The following LPIN2 variants were observed in gnomAD, a reference collection of about 807,000 sequenced individuals.
The protein encoded by LPIN2 is lipin 2, also known as phosphatidate phosphatase LPIN2.
In LPIN2, 55 loss-of-function variants were observed where a neutral mutation model predicts 111.4. The observed-to-expected ratio is 0.49, with a 90% confidence interval of 0.40 to 0.62. LPIN2 has a LOEUF of 0.62. Ranked by LOEUF, LPIN2 falls within the 20% of genes least tolerant of loss-of-function variation. The pLI is 0.00. For missense variants in LPIN2, 992 were observed against 1,112.1 expected, an observed-to-expected ratio of 0.89 and a Z score of 1.54; for synonymous variants, 425 against 414.0, an observed-to-expected ratio of 1.03 and a Z score of -0.32.
Position 2,920,749 on chromosome 18 carries a change from G to A in LPIN2, c.2546+29C>T, listed in dbSNP as rs763875910. On this transcript the variant is annotated intron_variant, in intron 19 of 19. Coordinates refer to ENST00000677752, the MANE Select transcript of LPIN2 (RefSeq NM_001375808.2). ...CCAACTGTACCCCTGGCTGCAGGGCGCCGGGCTGAGAGCTGAGAATGTACT... is the reference window on the plus strand; with the variant it reads ...CCAACTGTACCCCTGGCTGCAGGGCACCGGGCTGAGAGCTGAGAATGTACT... 79 of 1,556,452 alleles carry A rather than the reference G, an allele frequency of 5.1e-5. No homozygotes were observed. In the Admixed American group the frequency reaches 5.2e-4, roughly 10 times the overall value.
At chr18:3,007,677 A>G (rs2078537880) in intron 1 of LPIN2, among the ~76,000 whole-genome samples, 1 of 152,238 alleles carries the variant, frequency 6.6e-6, no homozygotes, top group African/African-American at 2.4e-5. Flanking sequence ...ACATTGTTTT[A>G]CAAACACCAC....
At chr18:2,955,138 A>G (rs2077589692) in intron 2 of LPIN2, among the ~76,000 whole-genome samples, 1 of 152,258 alleles carries the variant, frequency 6.6e-6, no homozygotes, top group Non-Finnish European at 1.5e-5. Flanking sequence ...GGGATAAGTA[A>G]TATCATGTCA....
chr18:2,962,820 GA>G (rs147003713), intron 1 of LPIN2, among the ~76,000 whole-genome samples: 1 of 144,938 alleles, frequency 6.9e-6, no homozygotes, highest in Non-Finnish European at 1.5e-5. Flanking sequence ...TTTATTACAA[GA>G]AAAAAAAAAC....
intron 1 of LPIN2, among the ~76,000 whole-genome samples, chr18:2,984,020 C>T (rs892397449): frequency 6.6e-6 from 1 of 152,188 alleles, no homozygotes; most frequent in African/African-American, 2.4e-5. Context: ...CAACAATATA[C>T]TAGCTGATCC....
In LPIN2 at chr18:2,920,633, A is replaced by G. The variant is rs182217640; in HGVS notation, c.2546+145T>C. 7,476 of 803,564 alleles carry G rather than the reference A, an allele frequency of 9.3e-3. 105 individuals are homozygous for G. The highest frequency in any genetic ancestry group is 0.037 in the South Asian group (2,546 of 69,740). 49.8% of individuals were successfully genotyped at this position (803,564 alleles called of 1,614,324 possible). A position where few individuals can be genotyped will look rare whatever the true frequency, so the allele number is the denominator to read the frequency against. On this transcript the variant is annotated intron_variant, in intron 19 of 19. Transcript: ENST00000677752. The stretch of plus-strand genomic sequence containing the variant: ...GAGACCCCTCAAACAGATATTGTGA[A>G]AGAGAGATACCCACAGAGGAGATGT...
chr18:2,982,641 G>GC (rs758932971), intron 1 of LPIN2: 13 of 1,108,128 alleles, frequency 1.2e-5, no homozygotes, highest in Non-Finnish European at 3.7e-6. Flanking sequence ...AGCGAAGGGA[G>GC]CAGGGACATT....
intron 1 of LPIN2, among the ~76,000 whole-genome samples, chr18:3,001,106 G>A (rs1184706214): frequency 3.3e-5 from 5 of 152,126 alleles, no homozygotes; most frequent in African/African-American, 7.2e-5. Flanking sequence ...CTATCAGTTG[G>A]GTAGGAGGCT....
intron 1 of LPIN2, among the ~76,000 whole-genome samples, chr18:3,000,585 C>T (rs1055113184): frequency 6.6e-6 from 1 of 152,218 alleles, no homozygotes; most frequent in Admixed American, 6.5e-5. Context: ...GCACGTAGTG[C>T]CAGCTACTTC....
intron 1 of LPIN2, among the ~76,000 whole-genome samples, chr18:3,011,471 G>A (rs1488443451): frequency 6.6e-6 from 1 of 152,064 alleles, no homozygotes; most frequent in African/African-American, 2.4e-5. Context: ...GATCACCTGA[G>A]GTCGGCAGTT....
At chr18:2,962,844 T>C (rs964200426) in intron 1 of LPIN2, among the ~76,000 whole-genome samples, 34 of 152,230 alleles carry the variant, frequency 2.2e-4, no homozygotes, top group Admixed American at 6.5e-5. Flanking sequence ...GTTAGACCTT[T>C]TCTTAAAATA....
At chr18:2,975,554 G>C (rs564925497) in intron 1 of LPIN2, among the ~76,000 whole-genome samples, 1 of 152,194 alleles carries the variant, frequency 6.6e-6, no homozygotes, top group South Asian at 2.1e-4. Flanking sequence ...AGCTGGTCTC[G>C]AACTCCTCAC....
chr18:3,007,825 G>A (rs1331965875), intron 1 of LPIN2, among the ~76,000 whole-genome samples: 3 of 152,192 alleles, frequency 2.0e-5, no homozygotes, highest in African/African-American at 7.2e-5. Context: ...ATAATCAAAT[G>A]ATCAGATGAC....
chr18:2,984,014 A>T (rs2078150555), intron 1 of LPIN2, among the ~76,000 whole-genome samples: 1 of 152,218 alleles, frequency 6.6e-6, no homozygotes, highest in African/African-American at 2.4e-5. Context: ...ATTCATCAAC[A>T]ATATACTAGC....
At chr18:2,960,970 CTTATTAA>C (rs202230063) in intron 1 of LPIN2, 121 bp from the exon 2 acceptor site, 3 of 749,790 alleles carry the variant, frequency 4.0e-6, no homozygotes, top group Non-Finnish European at 6.7e-6. Context: ...TATCATTAGC[CTTATTAA>C]TTTTCAACCT....
At chr18:2,964,213 G>T (rs2077754190) in intron 1 of LPIN2, among the ~76,000 whole-genome samples, 1 of 147,212 alleles carries the variant, frequency 6.8e-6, no homozygotes, top group Admixed American at 6.8e-5. Flanking sequence ...AACCTGGGAA[G>T]CGGAGGGTGC....
Position 2,960,765 on chromosome 18 carries a change from T to A in LPIN2, c.76A>T (p.Thr26Ser). The A allele has an allele frequency of 6.2e-7, 1 of 1,614,128 alleles. No homozygotes were observed. Among genetic ancestry groups the A allele is most frequent in the Non-Finnish European group, 8.5e-7 (1 of 1,180,018 alleles). Reference protein sequence around the residue: ...KELYKGINQATLSGCIDVIVV... With the variant: ...KELYKGINQASLSGCIDVIVV... ...ATGACATCAATGCACCCAGAGAGGG[T>A]GGCCTGGTTAATGCCCTTGTAGAGT... Residue 26 changes from threonine (T) to serine (S), a missense_variant, in exon 2 of 20, where the codon ACC becomes TCC. Physicochemically the swap from Thr to Ser is moderately conservative, Grantham distance 58. Coordinates refer to ENST00000677752, the MANE Select transcript of LPIN2 (RefSeq NM_001375808.2).
chr18:2,936,030 C>T (rs966953702), intron 7 of LPIN2, among the ~76,000 whole-genome samples: 4 of 152,232 alleles, frequency 2.6e-5, no homozygotes, highest in Non-Finnish European at 5.9e-5. Context: ...CAAGTGGCTA[C>T]AGGCCTTTGG....
chr18:2,934,348 T>C lies in LPIN2; in HGVS notation c.1268+3A>G. 6.3e-7 allele frequency: 1 copy of C among 1,597,636 alleles called. No individual in the cohort carries two copies. Among genetic ancestry groups the C allele is most frequent in the Non-Finnish European group, 8.6e-7 (1 of 1,165,176 alleles). ...GTCCTTCAATAAATAAGGACCACTC[T>C]ACCTTTTAGGGAAATAAAGAGCTGC... On this transcript the variant is annotated splice_donor_region_variant and intron_variant, in intron 8 of 19. Transcript: ENST00000677752.
At position 2,969,523 on chromosome 18, in the gene LPIN2, G is replaced by A. The variant is rs539131287; in HGVS notation, c.-9-8674C>T. On this transcript the variant is annotated intron_variant, in intron 1 of 19. Coordinates refer to ENST00000677752, the MANE Select transcript of LPIN2 (RefSeq NM_001375808.2). ...CCCATCACCTCCACTGTTTGAAGTC[G>A]CAGTCAGGGAGGTTTTTATATCTAA... 6.3e-4 allele frequency among the ~76,000 whole-genome samples: 96 copies of A among 152,220 alleles called. 1 individual carries two copies. The highest frequency in any genetic ancestry group is 2.2e-3 in the African/African-American group (91 of 41,534).
Sources: gnomAD v4.1 joint callset for allele counts (sites outside exome capture counted in the v4.1 genomes callset) on GRCh38, gnomAD v4.1.1 for gene constraint, MANE v1.5 for transcripts, NCBI Gene and HGNC (gene_info 2026-07-23, HGNC 2026-07-21) for gene names.